COL28A1: variants seen among roughly 807,000 people sequenced by gnomAD.
The protein encoded by COL28A1 is collagen alpha-1(XXVIII) chain.
A neutral mutation model predicts 150.2 loss-of-function variants in COL28A1; 161 were observed. The ratio of observed to expected loss-of-function variants is 1.07; its 90% CI spans 0.94 to 1.22. COL28A1 has a LOEUF of 1.22. COL28A1 is among the 50% of genes most tolerant of loss of function. The pLI, the probability that COL28A1 is intolerant of heterozygous loss-of-function variation, is 0.00. For synonymous variants in COL28A1, 552 were observed against 469.7 expected (o/e 1.18, Z -2.26); for missense variants, 1,617 against 1,388.3 (o/e 1.16, Z -2.62).
At chr7:7,389,357 T>C (rs2128293256) in intron 27 of COL28A1, among the ~76,000 whole-genome samples, 1 of 152,320 alleles carries the variant, frequency 6.6e-6, no homozygotes, top group South Asian at 2.1e-4. Context: ...CTGGTCAACA[T>C]ATCTGTTTTG....
intron 11 of COL28A1, among the ~76,000 whole-genome samples, chr7:7,504,928 G>T (rs1178741093): frequency 2.0e-5 from 3 of 152,038 alleles, no homozygotes; most frequent in African/African-American, 4.8e-5. Context: ...TCTTACTGTA[G>T]GATTGTACCT....
downstream of COL28A1, among the ~76,000 whole-genome samples, chr7:7,355,543 G>A (rs1345192681): frequency 6.6e-6 from 1 of 152,102 alleles, no homozygotes; most frequent in African/African-American, 2.4e-5. Context: ...CCGGGAGGTG[G>A]AGGTTGCAGT....
At chr7:7,528,454 A>G (rs1782152794) in intron 3 of COL28A1, among the ~76,000 whole-genome samples, 1 of 152,194 alleles carries the variant, frequency 6.6e-6, no homozygotes, top group African/African-American at 2.4e-5. Flanking sequence ...AATTCCTACT[A>G]GAGGCATCAA....
At chr7:7,376,924 A>G (rs1255628235) in intron 30 of COL28A1, among the ~76,000 whole-genome samples, 1 of 152,186 alleles carries the variant, frequency 6.6e-6, no homozygotes, top group Non-Finnish European at 1.5e-5. Context: ...ATATAAGAAA[A>G]TCTGTTTTAT....
At chr7:7,437,296 C>A in intron 22 of COL28A1, 98 bp downstream of exon 22, 2 of 1,470,830 alleles carry the variant, frequency 1.4e-6, no homozygotes, top group Non-Finnish European at 1.8e-6. Flanking sequence ...TTCTAAGGCT[C>A]TTCCAAAACT....
the COL28A1 span, among the ~76,000 whole-genome samples, chr7:7,344,305 C>A: frequency 5.4e-4 from 82 of 151,984 alleles, 1 homozygote; most frequent in South Asian, 0.016. Context: ...GGTTTTTGTT[C>A]ATTTTTTTTC....
chr7:7,451,451 C>G (rs1786686168), intron 18 of COL28A1, among the ~76,000 whole-genome samples: 1 of 152,086 alleles, frequency 6.6e-6, no homozygotes, highest in South Asian at 2.1e-4. Context: ...GTCTCGATCT[C>G]TCGACCTTGT....
chr7:7,351,305 C>T (rs1381878637), downstream of COL28A1, among the ~76,000 whole-genome samples: 1 of 152,136 alleles, frequency 6.6e-6, no homozygotes, highest in Non-Finnish European at 1.5e-5. Flanking sequence ...GACTGTCTTA[C>T]AATAATAACA....
intron 11 of COL28A1, among the ~76,000 whole-genome samples, chr7:7,494,414 A>G (rs1434438338): frequency 6.6e-6 from 1 of 152,170 alleles, no homozygotes; most frequent in Non-Finnish European, 1.5e-5. Context: ...GGTCTTGTAG[A>G]ACCTTGGTTC....
At chr7:7,437,633 T>A (rs757652488) in intron 21 of COL28A1, among the ~76,000 whole-genome samples, 171 bp from the exon 22 acceptor site, 1 of 152,224 alleles carries the variant, frequency 6.6e-6, no homozygotes, top group Non-Finnish European at 1.5e-5. Context: ...CACTGCTAGT[T>A]ATTGACTAGT....
At chr7:7,379,958 C>T (rs79950420) in intron 30 of COL28A1, among the ~76,000 whole-genome samples, 3,325 of 152,280 alleles carry the variant, frequency 0.022, 145 homozygotes, top group African/African-American at 0.077. Context: ...TGAACTGCCA[C>T]TCCCTCACAC....
intron 9 of COL28A1, among the ~76,000 whole-genome samples, chr7:7,509,962 C>G (rs1781033713): frequency 6.6e-6 from 1 of 152,122 alleles, no homozygotes; most frequent in Admixed American, 6.5e-5. Context: ...ACTTTAAAAG[C>G]ATTCAGAAAG....
chr7:7,494,925 CAA>C (rs1161370246), intron 11 of COL28A1, among the ~76,000 whole-genome samples: 2 of 151,956 alleles, frequency 1.3e-5, no homozygotes, highest in African/African-American at 4.8e-5. Flanking sequence ...AGAAAAGAAA[CAA>C]AAGTTACAGA....
chr7:7,415,226 G>GCA (rs1452809961), intron 27 of COL28A1, among the ~76,000 whole-genome samples: 1 of 152,188 alleles, frequency 6.6e-6, no homozygotes, highest in Non-Finnish European at 1.5e-5. Flanking sequence ...AGGCTACTAA[G>GCA]CACACACACC....
chr7:7,511,972 T>A (rs1467026959), intron 8 of COL28A1: 2 of 322,104 alleles, frequency 6.2e-6, no homozygotes, highest in Non-Finnish European at 6.1e-6. Flanking sequence ...AGATTAAAAT[T>A]TTGTAATTAA....
chr7:7,420,801 A>G (rs1784353723), intron 25 of COL28A1, among the ~76,000 whole-genome samples: 1 of 152,154 alleles, frequency 6.6e-6, no homozygotes, highest in Admixed American at 6.5e-5. Context: ...TGTCAGCTCC[A>G]CTCACCTATT....
At chr7:7,443,333 A>G (rs528570391) in intron 20 of COL28A1, among the ~76,000 whole-genome samples, 1 of 152,298 alleles carries the variant, frequency 6.6e-6, no homozygotes, top group East Asian at 1.9e-4. Flanking sequence ...TTAAATGTCA[A>G]TCTGACCATT....
intron 33 of COL28A1, among the ~76,000 whole-genome samples, chr7:7,362,878 T>C (rs1780742660): frequency 6.6e-6 from 1 of 152,184 alleles, no homozygotes; most frequent in African/African-American, 2.4e-5. Context: ...TTATTTTTTA[T>C]AGAGATAGGG....
intron 16 of COL28A1, among the ~76,000 whole-genome samples, chr7:7,454,537 G>A (rs1786985230): frequency 6.6e-6 from 1 of 152,026 alleles, no homozygotes; most frequent in African/African-American, 2.4e-5. Context: ...GAAAATGAAA[G>A]AAGTCCGAGA....
Sources: allele counts gnomAD v4.1 joint callset (sites outside exome capture counted in the v4.1 genomes callset), GRCh38; gene constraint gnomAD v4.1.1; transcripts MANE v1.5; gene names NCBI Gene and HGNC (gene_info 2026-07-23, HGNC 2026-07-21).